PARP6: variants seen among roughly 807,000 people sequenced by gnomAD.
PARP6 encodes poly(ADP-ribose) polymerase family member 6, also known as protein mono-ADP-ribosyltransferase PARP6.
In PARP6, 27 loss-of-function variants were observed where a neutral mutation model predicts 92.0. That is an observed-to-expected ratio of 0.29 (90% CI 0.22 to 0.40). The LOEUF (loss-of-function observed/expected upper bound fraction) is 0.40. PARP6 is among the 10% of genes least tolerant of loss of function. The probability of loss-of-function intolerance (pLI) is 1.00; values close to 1 mark genes in which losing one functional copy is unlikely to be tolerated. For missense variants in PARP6, 501 were observed against 784.5 expected (o/e 0.64, Z 4.32); for synonymous variants, 272 against 281.2 (o/e 0.97, Z 0.33).
At chr15:72,258,202 T>A (rs1055602664) in intron 11 of PARP6, 70 bp from the exon 12 acceptor site, 1 of 1,209,170 alleles carries the variant, frequency 8.3e-7, no homozygotes, top group Non-Finnish European at 1.2e-6. Flanking sequence ...TAATTTCAGC[T>A]TTTTTTTCCA....
At chr15:72,264,312 A>G (rs2086277608) in intron 8 of PARP6, among the ~76,000 whole-genome samples, 2 of 152,240 alleles carry the variant, frequency 1.3e-5, no homozygotes, top group South Asian at 4.1e-4. Flanking sequence ...AAAAATGCTA[A>G]GTAGTGATGA....
chr15:72,264,941 G>T, intron 7 of PARP6, 140 bp downstream of exon 7: 1 of 634,616 alleles, frequency 1.6e-6, no homozygotes, highest in Non-Finnish European at 2.8e-6. Context: ...ACCAATTACA[G>T]GGGACTAAAA....
At chr15:72,256,656 C>A in intron 13 of PARP6, 66 bp from the exon 14 acceptor site, 2 of 1,277,070 alleles carry the variant, frequency 1.6e-6, no homozygotes, top group Middle Eastern at 4.0e-4. Flanking sequence ...AGTCAGAGTA[C>A]CCAGTATTTC....
intron 9 of PARP6, 95 bp downstream of exon 9, chr15:72,261,463 G>A: frequency 9.0e-7 from 1 of 1,110,612 alleles, no homozygotes; most frequent in Non-Finnish European, 1.3e-6. Flanking sequence ...AGAATTCAGG[G>A]AAGAGAGGGG....
At position 72,256,965 on chromosome 15, in the gene PARP6, C is replaced by T. The variant is rs551834701; in HGVS notation, c.1000-375G>A. Among the ~76,000 whole-genome samples, 3 of 152,254 alleles carry T rather than the reference C, an allele frequency of 2.0e-5. No homozygotes were observed. In the East Asian group the frequency reaches 5.8e-4, roughly 29 times the overall value. On this transcript the variant is annotated intron_variant, in intron 13 of 23. Coordinates refer to ENST00000569795, the MANE Select transcript of PARP6 (RefSeq NM_001323532.2). ...TGATCATGGCCCACTGCAGCCTCGA[C>T]CTCCTGAGCTCAAGCCATCCTCCCA... is the stretch of plus-strand genomic sequence containing the variant.
chr15:72,267,711 A>G (rs1327402344), intron 2 of PARP6, 40 bp from the exon 3 acceptor site: 1 of 548,988 alleles, frequency 1.8e-6, no homozygotes, highest in Non-Finnish European at 3.3e-6. Context: ...TCACCACTTA[A>G]TAGCTGGGTG....
chr15:72,247,311 C>A (rs1470316285), intron 20 of PARP6, among the ~76,000 whole-genome samples: 2 of 151,928 alleles, frequency 1.3e-5, no homozygotes, highest in Non-Finnish European at 2.9e-5. Flanking sequence ...CCAGCTAGGA[C>A]TTACAGGCAC....
chr15:72,259,536 G>T, intron 11 of PARP6, 72 bp downstream of exon 11: 1 of 1,168,392 alleles, frequency 8.6e-7, no homozygotes, highest in Admixed American at 1.7e-5. Flanking sequence ...TTGAGGAGCT[G>T]GGAGGTGTTA....
intron 11 of PARP6, among the ~76,000 whole-genome samples, chr15:72,258,734 G>A (rs867732248): frequency 5.9e-5 from 9 of 152,036 alleles, no homozygotes; most frequent in African/African-American, 2.2e-4. Context: ...TTTTTTTGTT[G>A]TTGTTGTTTG....
chr15:72,258,408 T>C (rs111744599), intron 11 of PARP6, among the ~76,000 whole-genome samples: 1,765 of 152,346 alleles, frequency 0.012, 42 homozygotes, highest in African/African-American at 0.04. Context: ...GCAAGTCAGT[T>C]AACCTGAGCC....
At chr15:72,253,552 T>C (rs764277070) in intron 15 of PARP6, 48 bp from the exon 16 acceptor site, 2 of 1,484,776 alleles carry the variant, frequency 1.3e-6, no homozygotes, top group Non-Finnish European at 9.4e-7. Flanking sequence ...GGTGGGAGCC[T>C]ACCTGCTTTC....
intron 2 of PARP6, among the ~76,000 whole-genome samples, chr15:72,269,196 T>C (rs749705177): frequency 5.9e-5 from 9 of 152,190 alleles, no homozygotes; most frequent in Non-Finnish European, 1.2e-4. Flanking sequence ...AGTTTCGCTG[T>C]GTCGCCCAGG....
chr15:72,267,274 C>A, intron 3 of PARP6: 1 of 620,596 alleles, frequency 1.6e-6, no homozygotes, highest in Non-Finnish European at 2.9e-6. Context: ...ACTTAACTCT[C>A]CTCTCCCTCC....
At chr15:72,270,588 T>C (rs560257498) in intron 2 of PARP6, among the ~76,000 whole-genome samples, 168 of 152,146 alleles carry the variant, frequency 1.1e-3, no homozygotes, top group Non-Finnish European at 2.1e-3. Context: ...CCCAAGCATA[T>C]TCCCGCCATA....
At chr15:72,261,825 GGGAATGTGTATCT>G in intron 8 of PARP6, 118 bp from the exon 9 acceptor site, 1 of 949,556 alleles carries the variant, frequency 1.1e-6, no homozygotes, top group Non-Finnish European at 1.6e-6. Flanking sequence ...GTTGTGGTAG[GGGAATGTGTATCT>G]GAAGACCCCT....
Position 72,250,820 on chromosome 15 carries a change from ACTGCC to A in PARP6, c.1418+20_1418+24del. 10 of 868,198 alleles carry A rather than the reference ACTGCC, an allele frequency of 1.2e-5. No individual in the cohort carries two copies. The highest frequency in any genetic ancestry group is 1.6e-5 in the Non-Finnish European group (9 of 554,990). The allele number at this position is 868,198 out of a possible 1,614,324, so 53.8% of individuals were successfully genotyped here. A position where few individuals can be genotyped will look rare whatever the true frequency, so the allele number is the denominator to read the frequency against. On this transcript the variant is annotated intron_variant, in intron 18 of 23. Transcript: ENST00000569795. ...TCATCCCCGCCCCCTCACCACCCCC[ACTGCC>A]CAGCCCCCAGCCTCCTCACTGGAAG...
chr15:72,260,578 T>C lies in PARP6; in HGVS notation c.656A>G (p.Asn219Ser). ...GTAGCCAAACACTTCCACTTTGGGGTTCTTCATGGTACAGGAGATGGAACG... is the reference window on the plus strand; with the variant it reads ...GTAGCCAAACACTTCCACTTTGGGGCTCTTCATGGTACAGGAGATGGAACG... ...MNRSISCTMK[N>S]PKVEVFGYPP... Residue 219 changes from asparagine (N) to serine (S), a missense_variant, in exon 10 of 24, where the codon AAC becomes AGC. Around this residue, in one of 4 missense-constraint regions of PARP6, gnomAD observed 291 missense variants for 352.0 expected, o/e 0.83. Coordinates refer to ENST00000569795, the MANE Select transcript of PARP6 (RefSeq NM_001323532.2). 6 of 1,614,040 alleles carry C rather than the reference T, an allele frequency of 3.7e-6. No homozygotes were observed. The highest frequency in any genetic ancestry group is 4.2e-6 in the Non-Finnish European group (5 of 1,179,998).
At chr15:72,250,153 A>G in intron 18 of PARP6, 61 bp from the exon 19 acceptor site, 3 of 1,054,502 alleles carry the variant, frequency 2.8e-6, no homozygotes, top group Admixed American at 3.4e-5. Context: ...AACACTCCCA[A>G]GACTGCCATT....
Position 72,241,603 on chromosome 15 carries a change from C to T in PARP6, c.1791-46G>A. On this transcript the variant is annotated intron_variant, in intron 23 of 23. Transcript: ENST00000569795. The surrounding 1 kb of genome is among the most constrained non-coding windows in gnomAD (Gnocchi z 4.1). ...GTGAGCATAAGAGGGAGAACAATAC[C>T]AGAATAACATCAATCAGTGGAACTG... 7.3e-7 allele frequency: 1 copy of T among 1,367,736 alleles called. No individual in the cohort carries two copies. Among genetic ancestry groups the T allele is most frequent in the East Asian group, 2.3e-5 (1 of 43,780 alleles). 84.7% of individuals were successfully genotyped at this position (1,367,736 alleles called of 1,614,324 possible). A position where few individuals can be genotyped will look rare whatever the true frequency, so the allele number is the denominator to read the frequency against.
Sources: gnomAD v4.1 joint callset for allele counts (sites outside exome capture counted in the v4.1 genomes callset) on GRCh38, gnomAD v4.1.1 for gene constraint, gnomAD v4.1.1 regional missense constraint, Gnocchi (gnomAD v3.1) non-coding constraint, MANE v1.5 for transcripts, NCBI Gene and HGNC (gene_info 2026-07-23, HGNC 2026-07-21) for gene names.